The following UNC5C variants were observed in gnomAD, a reference collection of about 807,000 sequenced individuals.
UNC5C encodes unc-5 netrin receptor C.
A neutral mutation model predicts 99.8 loss-of-function variants in UNC5C; 47 were observed. The ratio of observed to expected loss-of-function variants is 0.47; its 90% CI spans 0.37 to 0.60. The LOEUF is 0.60. Ranked by LOEUF, UNC5C falls within the 20% of genes least tolerant of loss-of-function variation. The pLI, the probability that UNC5C is intolerant of heterozygous loss-of-function variation, is 0.00. For synonymous variants in UNC5C, 487 were observed against 452.2 expected (o/e 1.08, Z -0.98); for missense variants, 1,062 against 1,165.9 (o/e 0.91, Z 1.30).
chr4:95,298,166 G>A (rs1356603321), intron 3 of UNC5C, among the ~76,000 whole-genome samples: 1 of 152,120 alleles, frequency 6.6e-6, no homozygotes, highest in Non-Finnish European at 1.5e-5. Context: ...CAAAAAAGTA[G>A]CTGGTCATGG....
intron 1 of UNC5C, among the ~76,000 whole-genome samples, chr4:95,471,551 C>T (rs1440294700): frequency 1.3e-5 from 2 of 152,128 alleles, no homozygotes; most frequent in African/African-American, 4.8e-5. Context: ...CAGTTTACCA[C>T]ACCCTGACCC....
intron 7 of UNC5C, among the ~76,000 whole-genome samples, chr4:95,241,938 G>T (rs943447910): frequency 6.6e-6 from 1 of 152,056 alleles, no homozygotes; most frequent in African/African-American, 2.4e-5. Context: ...TACAAACCCA[G>T]AATTTTCAAG....
chr4:95,521,554 CA>C (rs1239481003), intron 1 of UNC5C, among the ~76,000 whole-genome samples: 3 of 152,044 alleles, frequency 2.0e-5, no homozygotes, highest in Non-Finnish European at 2.9e-5. Context: ...TTCCCATCAT[CA>C]GGGGTCCATC....
At chr4:95,417,447 G>A (rs1312160375) in intron 1 of UNC5C, among the ~76,000 whole-genome samples, 2 of 152,068 alleles carry the variant, frequency 1.3e-5, no homozygotes, top group East Asian at 1.9e-4. Context: ...TTCACATTTA[G>A]TGAGTAGGAA....
intron 1 of UNC5C, among the ~76,000 whole-genome samples, chr4:95,527,951 A>T (rs2149492026): frequency 6.6e-6 from 1 of 152,232 alleles, no homozygotes. Context: ...AGAAATATTC[A>T]TGGGCATCCT....
At chr4:95,402,786 T>A (rs567661401) in intron 1 of UNC5C, among the ~76,000 whole-genome samples, 3 of 152,334 alleles carry the variant, frequency 2.0e-5, no homozygotes, top group African/African-American at 7.2e-5. Flanking sequence ...TAAACCTTTC[T>A]AAATCTATTT....
intron 10 of UNC5C, among the ~76,000 whole-genome samples, chr4:95,214,461 GA>G (rs1215657937): frequency 5.9e-5 from 9 of 152,208 alleles, no homozygotes; most frequent in African/African-American, 2.2e-4. Context: ...CCTAACAGCA[GA>G]AAAGTGTCTA....
intron 1 of UNC5C, among the ~76,000 whole-genome samples, chr4:95,444,332 CTTT>C (rs11363815): frequency 8.1e-5 from 11 of 136,186 alleles, no homozygotes; most frequent in East Asian, 2.3e-4. Context: ...AGTGCATTGC[CTTT>C]TTTTTTTTTT....
chr4:95,548,555 A>AT lies in UNC5C; in HGVS notation c.124+178dup, dbSNP rs1460349406. Among the ~76,000 whole-genome samples, 499 of 151,698 alleles carry AT rather than the reference A, an allele frequency of 3.3e-3. 6 individuals are homozygous for AT. Among genetic ancestry groups the AT allele is most frequent in the African/African-American group, 0.011 (475 of 41,354 alleles). ...AGATAGATTAAACATAATAATAATA[A>AT]TAATTATTATTATTATAATCAAAGC... On this transcript the variant is annotated intron_variant, in intron 1 of 15. Coordinates refer to ENST00000453304, the MANE Select transcript of UNC5C (RefSeq NM_003728.4).
chr4:95,187,279 T>G (rs145209113), intron 12 of UNC5C, among the ~76,000 whole-genome samples: 1 of 152,248 alleles, frequency 6.6e-6, no homozygotes, highest in Non-Finnish European at 1.5e-5. Flanking sequence ...TCCAGCTTCT[T>G]TCTTTCCATA....
At chr4:95,280,522 C>G (rs1002996919) in intron 3 of UNC5C, among the ~76,000 whole-genome samples, 6 of 152,080 alleles carry the variant, frequency 3.9e-5, no homozygotes, top group Non-Finnish European at 5.9e-5. Context: ...AACCCAGTCT[C>G]TACTAAAAAT....
chr4:95,171,923 T>C (rs1038961621), intron 14 of UNC5C, among the ~76,000 whole-genome samples: 3 of 151,832 alleles, frequency 2.0e-5, no homozygotes, highest in Admixed American at 6.6e-5. Flanking sequence ...TTTTTAATGA[T>C]TGCCATTCTA....
intron 1 of UNC5C, among the ~76,000 whole-genome samples, chr4:95,545,514 A>G (rs1723033393): frequency 6.6e-6 from 1 of 152,184 alleles, no homozygotes; most frequent in Non-Finnish European, 1.5e-5. Flanking sequence ...ACATGCATAA[A>G]GGAATTTTTA....
intron 7 of UNC5C, among the ~76,000 whole-genome samples, chr4:95,231,225 C>G (rs946120740): frequency 7.2e-5 from 11 of 151,954 alleles, no homozygotes; most frequent in African/African-American, 2.4e-4. Flanking sequence ...TAGGAGGTGT[C>G]CTGCTTGCCT....
At chr4:95,374,455 CTGCACA>C (rs1458712382) in intron 1 of UNC5C, among the ~76,000 whole-genome samples, 1 of 152,082 alleles carries the variant, frequency 6.6e-6, no homozygotes, top group Non-Finnish European at 1.5e-5. Flanking sequence ...TCCTGGTCCA[CTGCACA>C]TGCTCTGTCC....
chr4:95,410,988 A>G (rs899631563), intron 1 of UNC5C, among the ~76,000 whole-genome samples: 2 of 152,208 alleles, frequency 1.3e-5, no homozygotes, highest in Admixed American at 1.3e-4. Context: ...TGCAATAACA[A>G]TGTCCACCTA....
chr4:95,454,941 A>G (rs1341878220), intron 1 of UNC5C, among the ~76,000 whole-genome samples: 3 of 152,154 alleles, frequency 2.0e-5, no homozygotes, highest in Admixed American at 6.5e-5. Context: ...CATGGGAAAG[A>G]CATTAAGAGG....
chr4:95,216,004 A>G (rs1738235468), intron 10 of UNC5C, 120 bp downstream of exon 10: 1 of 688,060 alleles, frequency 1.5e-6, no homozygotes, highest in Admixed American at 3.2e-5. Context: ...AGGGAAAAAG[A>G]ATGTATGCCA....
At chr4:95,262,338 G>A (rs189360951) in intron 4 of UNC5C, among the ~76,000 whole-genome samples, 18 of 152,262 alleles carry the variant, frequency 1.2e-4, no homozygotes, top group Admixed American at 5.2e-4. Context: ...CTTGGAAGAC[G>A]TGCAGAGTTG....
Sources: gnomAD v4.1 joint callset for allele counts (sites outside exome capture counted in the v4.1 genomes callset) on GRCh38, gnomAD v4.1.1 for gene constraint, MANE v1.5 for transcripts, NCBI Gene and HGNC (gene_info 2026-07-23, HGNC 2026-07-21) for gene names.